The following PPIL4 variants were observed in gnomAD, a reference collection of about 807,000 sequenced individuals.
PPIL4 encodes the protein peptidyl-prolyl cis-trans isomerase-like 4.
PPIL4 carries 50 observed loss-of-function variants against 69.1 expected under a neutral mutation model. That is an observed-to-expected ratio of 0.72 (90% confidence interval 0.58 to 0.92). PPIL4 has a LOEUF of 0.92. Ranked by LOEUF, PPIL4 falls within the 40% of genes least tolerant of loss-of-function variation. The pLI, the probability that PPIL4 is intolerant of heterozygous loss-of-function variation, is 0.00. For missense variants in PPIL4, 480 were observed against 587.9 expected (o/e 0.82, Z 1.90); for synonymous variants, 193 against 191.6 (o/e 1.01, Z -0.06).
At position 149,525,133 on chromosome 6, in the gene PPIL4, T is replaced by C. The variant is rs1164361777; in HGVS notation, c.870+10A>G. ...ATAAATACCAAACTTATGTCTGTAT[T>C]ATGACATACCTTTTCAAATTCAATA... On this transcript the variant is annotated intron_variant, in intron 9 of 12. Transcript: ENST00000253329. 2 of 1,410,822 alleles carry C rather than the reference T, an allele frequency of 1.4e-6. No individual in the cohort carries two copies. Among genetic ancestry groups the C allele is most frequent in the Admixed American group, 2.0e-5 (1 of 51,180 alleles). The allele number at this position is 1,410,822 out of a possible 1,614,324, so 87.4% of individuals were successfully genotyped here.
intron 7 of PPIL4, among the ~76,000 whole-genome samples, chr6:149,531,460 TG>T (rs1337686961): frequency 6.8e-6 from 1 of 146,688 alleles, no homozygotes; most frequent in African/African-American, 2.5e-5. Flanking sequence ...CGCTTGAACC[TG>T]GGAGGTGGAG....
Position 149,526,729 on chromosome 6 carries a change from C to G in PPIL4, c.726G>C (p.Leu242=), listed in dbSNP as rs926820401. Residue 242 remains leucine, a synonymous_variant, in exon 8 of 13, where the codon CTG becomes CTC. Coordinates refer to ENST00000253329, the MANE Select transcript of PPIL4 (RefSeq NM_139126.4). ...DADIKPPENV[L]FVCKLNPVTT... is the part of the protein sequence containing the mutation. The stretch of plus-strand genomic sequence containing the variant: ...TCACTGGGTTCAATTTACACACAAA[C>G]AGTACATTTTCTGGAGGTTTAATAT... 6.2e-7 allele frequency: 1 copy of G among 1,612,654 alleles called. No homozygotes were observed. Among genetic ancestry groups the G allele is most frequent in the Admixed American group, 1.7e-5 (1 of 59,994 alleles).
intron 7 of PPIL4, among the ~76,000 whole-genome samples, chr6:149,531,414 T>A (rs1777195940): frequency 7.1e-6 from 1 of 141,558 alleles, no homozygotes; most frequent in African/African-American, 2.6e-5. Context: ...CAGGCACCTA[T>A]AATCCCAGCT....
In PPIL4 at chr6:149,544,846, T is replaced by C. The variant is rs116309446; in HGVS notation, c.70+1090A>G. On this transcript the variant is annotated intron_variant, in intron 1 of 12. Transcript: ENST00000253329. ...AGGGAAAGCGGAGCACGGCAGGAGG[T>C]AGTTATTGTACAATATTGCAACTTA... is the stretch of plus-strand genomic sequence containing the variant. 4.5e-3 allele frequency among the ~76,000 whole-genome samples: 678 copies of C among 152,128 alleles called. 10 individuals are homozygous for C. The highest frequency in any genetic ancestry group is 0.015 in the African/African-American group (640 of 41,482).
chr6:149,532,908 T>C (rs1777220742), intron 7 of PPIL4, among the ~76,000 whole-genome samples: 1 of 152,252 alleles, frequency 6.6e-6, no homozygotes, highest in South Asian at 2.1e-4. Context: ...TTCATTCCAA[T>C]ATTTATTATC....
In PPIL4 at chr6:149,541,593, GAAAGT is replaced by G. The variant is rs1199380367; in HGVS notation, c.71-12_71-8del. On this transcript the variant is annotated splice_region_variant and splice_polypyrimidine_tract_variant and intron_variant, in intron 1 of 12. Coordinates refer to ENST00000253329, the MANE Select transcript of PPIL4 (RefSeq NM_139126.4). ...TTCAAGAAATTCAAGCAGGCTGAAA[GAAAGT>G]AAATACCAAATTTATCACAGTAATC... 2.0e-6 allele frequency: 3 copies of G among 1,472,816 alleles called. No individual in the cohort carries two copies. The highest frequency in any genetic ancestry group is 1.4e-5 in the African/African-American group (1 of 72,070). The allele number at this position is 1,472,816 out of a possible 1,614,324, so 91.2% of individuals were successfully genotyped here. A position where few individuals can be genotyped will look rare whatever the true frequency, so the allele number is the denominator to read the frequency against.
chr6:149,519,398 A>G (rs1328045980), intron 10 of PPIL4, among the ~76,000 whole-genome samples: 1 of 152,194 alleles, frequency 6.6e-6, no homozygotes, highest in Non-Finnish European at 1.5e-5. Context: ...CCAGAACTAC[A>G]CTGCATCAGG....
intron 10 of PPIL4, among the ~76,000 whole-genome samples, chr6:149,518,209 T>G (rs1441620779): frequency 1.3e-5 from 2 of 152,194 alleles, no homozygotes; most frequent in Admixed American, 6.5e-5. Context: ...TAGGACCTAC[T>G]GCTACATCCT....
chr6:149,540,057 A>G (rs535989818), intron 4 of PPIL4, among the ~76,000 whole-genome samples: 218 of 150,992 alleles, frequency 1.4e-3, no homozygotes, highest in African/African-American at 5.1e-3. Context: ...TGAACCTGAG[A>G]GGCGGAGGTT....
chr6:149,516,409 T>C (rs928545537), intron 11 of PPIL4, among the ~76,000 whole-genome samples: 1 of 152,098 alleles, frequency 6.6e-6, no homozygotes, highest in African/African-American at 2.4e-5. Flanking sequence ...AAAACATGAA[T>C]ATAGACCAGG....
intron 1 of PPIL4, among the ~76,000 whole-genome samples, chr6:149,544,454 G>C (rs1777409825): frequency 6.6e-6 from 1 of 152,172 alleles, no homozygotes; most frequent in Non-Finnish European, 1.5e-5. Flanking sequence ...GGGTACTCAG[G>C]ATATAGAGAT....
chr6:149,522,738 G>C (rs1299572904), intron 9 of PPIL4, among the ~76,000 whole-genome samples: 1 of 151,930 alleles, frequency 6.6e-6, no homozygotes. Flanking sequence ...TCAGTCTCCC[G>C]AGTAGTTGGG....
intron 7 of PPIL4, among the ~76,000 whole-genome samples, chr6:149,530,732 G>C (rs1318414452): frequency 6.6e-6 from 1 of 152,044 alleles, no homozygotes; most frequent in Non-Finnish European, 1.5e-5. Flanking sequence ...AAGTGGTGGG[G>C]GTGGGAAATT....
At chr6:149,516,906 A>C (rs1776952340) in intron 11 of PPIL4, 1 of 152,564 alleles carries the variant, frequency 6.6e-6, no homozygotes. Flanking sequence ...AATAAATTTC[A>C]GATTATGAGG....
At chr6:149,545,809 G>C in intron 1 of PPIL4, 127 bp downstream of exon 1, 1 of 842,670 alleles carries the variant, frequency 1.2e-6, no homozygotes, top group South Asian at 1.6e-5. Flanking sequence ...AAATAGCCCA[G>C]TCGCGGGCAC....
chr6:149,533,398 C>A, intron 7 of PPIL4, 60 bp downstream of exon 7: 1 of 890,712 alleles, frequency 1.1e-6, no homozygotes, highest in South Asian at 1.5e-5. Context: ...CAGAAATAAA[C>A]ACTCAGTAAG....
At chr6:149,524,509 A>G (rs1777077130) in intron 9 of PPIL4, among the ~76,000 whole-genome samples, 2 of 152,166 alleles carry the variant, frequency 1.3e-5, no homozygotes, top group South Asian at 4.1e-4. Context: ...AAATCTTAAC[A>G]CCCAGTTCAG....
intron 11 of PPIL4, among the ~76,000 whole-genome samples, chr6:149,513,978 T>C (rs1223083428): frequency 1.3e-5 from 2 of 152,218 alleles, no homozygotes; most frequent in African/African-American, 2.4e-5. Flanking sequence ...GGCAGAGCTA[T>C]GCTAATTACA....
At chr6:149,507,974 C>G (rs1316186857) in intron 12 of PPIL4, among the ~76,000 whole-genome samples, 1 of 152,098 alleles carries the variant, frequency 6.6e-6, no homozygotes, top group Non-Finnish European at 1.5e-5. Flanking sequence ...TAAGTGAAAA[C>G]TGAAAAGCAA....
Sources: allele counts gnomAD v4.1 joint callset (sites outside exome capture counted in the v4.1 genomes callset), GRCh38; gene constraint gnomAD v4.1.1; transcripts MANE v1.5; gene names NCBI Gene and HGNC (gene_info 2026-07-23, HGNC 2026-07-21).